The following PDE5A variants were observed in gnomAD, a reference collection of about 807,000 sequenced individuals.
The protein encoded by PDE5A is phosphodiesterase 5A, also known as cGMP-specific 3',5'-cyclic phosphodiesterase.
A neutral mutation model predicts 110.2 loss-of-function variants in PDE5A; 67 were observed. The ratio of observed to expected loss-of-function variants is 0.61; its 90% CI spans 0.50 to 0.75. The LOEUF is 0.75. PDE5A is among the 30% of genes least tolerant of loss of function. The pLI is 0.00. For synonymous variants in PDE5A, 328 were observed against 351.2 expected, an observed-to-expected ratio of 0.93 and a Z score of 0.74; for missense variants, 862 against 1,045.1, an observed-to-expected ratio of 0.82 and a Z score of 2.42.
At chr4:119,537,649 C>T (rs761911500) in intron 11 of PDE5A, among the ~76,000 whole-genome samples, 5 of 151,984 alleles carry the variant, frequency 3.3e-5, no homozygotes, top group African/African-American at 1.2e-4. Context: ...TATGATTTCA[C>T]TACCATGGGA....
intron 11 of PDE5A, among the ~76,000 whole-genome samples, chr4:119,531,312 T>G (rs1726531446): frequency 1.3e-5 from 2 of 152,196 alleles, no homozygotes; most frequent in Admixed American, 1.3e-4. Flanking sequence ...GGAGTCTCAC[T>G]CTGTCATCCA....
At chr4:119,550,313 C>T (rs1727296829) in intron 9 of PDE5A, 1 of 152,160 alleles carries the variant, frequency 6.6e-6, no homozygotes. Context: ...TAGGGTGATA[C>T]AAAATGTATG....
intron 11 of PDE5A, among the ~76,000 whole-genome samples, chr4:119,530,513 G>A (rs7688802): frequency 0.26 from 39,928 of 151,940 alleles, 5,380 homozygotes; most frequent in East Asian, 0.38. Flanking sequence ...ATAATGACAT[G>A]TATCTTAGAC....
chr4:119,569,664 G>A (rs950717597), intron 3 of PDE5A: 1 of 152,526 alleles, frequency 6.6e-6, no homozygotes, highest in Admixed American at 6.5e-5. Flanking sequence ...TACGTACAGA[G>A]CACTCACATT....
chr4:119,546,492 T>C (rs1175423815), intron 9 of PDE5A, among the ~76,000 whole-genome samples: 1 of 152,120 alleles, frequency 6.6e-6, no homozygotes, highest in Non-Finnish European at 1.5e-5. Flanking sequence ...CTATACCATA[T>C]TTTTAATTAT....
At chr4:119,506,056 G>A (rs1725543035) in intron 16 of PDE5A, 124 bp from the exon 17 acceptor site, 2 of 473,146 alleles carry the variant, frequency 4.2e-6, no homozygotes, top group Admixed American at 8.8e-5. Flanking sequence ...TCCCATCTTA[G>A]AGCCCACTAT....
intron 5 of PDE5A, among the ~76,000 whole-genome samples, chr4:119,564,472 G>A (rs1463738319): frequency 6.6e-6 from 1 of 152,102 alleles, no homozygotes; most frequent in Non-Finnish European, 1.5e-5. Flanking sequence ...ATGAAGAAAA[G>A]TTCTATGATG....
At chr4:119,526,466 A>G (rs999145262) in intron 11 of PDE5A, among the ~76,000 whole-genome samples, 7 of 152,166 alleles carry the variant, frequency 4.6e-5, no homozygotes, top group Non-Finnish European at 8.8e-5. Context: ...ATGGGAATTT[A>G]AAGGAACCTC....
intron 10 of PDE5A, 66 bp from the exon 11 acceptor site, chr4:119,539,085 A>G: frequency 8.4e-7 from 1 of 1,197,104 alleles, no homozygotes; most frequent in African/African-American, 1.5e-5. Flanking sequence ...CTAGAACTTC[A>G]AGCTTGGAAT....
At chr4:119,594,219 A>C (rs58354482) in intron 3 of PDE5A, among the ~76,000 whole-genome samples, 2,577 of 152,210 alleles carry the variant, frequency 0.017, 70 homozygotes, top group African/African-American at 0.058. Context: ...CTTTCTGTAG[A>C]AAGGGCCATC....
chr4:119,603,425 T>C (rs1729414505), intron 2 of PDE5A, among the ~76,000 whole-genome samples: 1 of 151,944 alleles, frequency 6.6e-6, no homozygotes, highest in Non-Finnish European at 1.5e-5. Flanking sequence ...GTGTGGCACA[T>C]TGAAGGTAGT....
chr4:119,592,150 C>CAAAAAA (rs70944895), intron 3 of PDE5A, among the ~76,000 whole-genome samples: 1 of 15,752 alleles, frequency 6.3e-5, no homozygotes, highest in Non-Finnish European at 1.1e-4. Context: ...GACTCTGTCT[C>CAAAAAA]AAAAAAAAAA....
At chr4:119,501,001 T>C (rs1333682984) in intron 20 of PDE5A, 169 bp downstream of exon 20, 1 of 581,020 alleles carries the variant, frequency 1.7e-6, no homozygotes, top group African/African-American at 1.9e-5. Context: ...TTAGTATGTG[T>C]TCCTTGTTCA....
intron 13 of PDE5A, among the ~76,000 whole-genome samples, chr4:119,520,530 C>G (rs542723332): frequency 7.6e-4 from 116 of 152,164 alleles, no homozygotes; most frequent in South Asian, 1.7e-3. Context: ...CCTAACTTAT[C>G]AATGAAGCAA....
At position 119,496,731 on chromosome 4, in the gene PDE5A, T is replaced by G. The variant is rs889878613; in HGVS notation, c.*1870A>C. ...ATGCATGCATAAGTATACACCTGTA[T>G]GTATATATAACTATTATTTTAGTGA... On this transcript the variant is annotated 3_prime_UTR_variant, in exon 21 of 21. Transcript: ENST00000354960. The G allele has an allele frequency of 6.6e-6, 1 of 152,602 alleles. No individual in the cohort carries two copies. Among genetic ancestry groups the G allele is most frequent in the African/African-American group, 2.4e-5 (1 of 41,466 alleles). 9.5% of individuals were successfully genotyped at this position (152,602 alleles called of 1,614,324 possible).
intron 11 of PDE5A, among the ~76,000 whole-genome samples, chr4:119,534,242 C>G (rs1726647147): frequency 6.6e-6 from 1 of 152,142 alleles, no homozygotes; most frequent in Non-Finnish European, 1.5e-5. Flanking sequence ...TTCCCAACCA[C>G]TGAGTTGTGG....
intron 12 of PDE5A, among the ~76,000 whole-genome samples, chr4:119,523,034 A>G (rs1726185801): frequency 6.6e-6 from 1 of 152,096 alleles, no homozygotes; most frequent in Non-Finnish European, 1.5e-5. Flanking sequence ...TTGCATATAT[A>G]AAGGAAATAA....
chr4:119,628,789 C>G lies in PDE5A; in HGVS notation c.-118G>C, dbSNP rs1186386052. 3 of 1,460,286 alleles carry G rather than the reference C, an allele frequency of 2.1e-6. No individual in the cohort carries two copies. Among genetic ancestry groups the G allele is most frequent in the East Asian group, 4.9e-5 (2 of 40,580 alleles). The allele number at this position is 1,460,286 out of a possible 1,614,324, so 90.5% of individuals were successfully genotyped here. On this transcript the variant is annotated 5_prime_UTR_variant, in exon 1 of 21. Coordinates refer to ENST00000354960, the MANE Select transcript of PDE5A (RefSeq NM_001083.4). ...CCCTCCCCCTTCGTCCTGCTCCAGT[C>G]GGGCCGGCTTTCGACAAAGCGGCCG...
intron 3 of PDE5A, among the ~76,000 whole-genome samples, chr4:119,590,857 G>C (rs1202607284): frequency 6.6e-6 from 1 of 152,112 alleles, no homozygotes; most frequent in East Asian, 1.9e-4. Context: ...TCCAGAGTTG[G>C]TACCAATGTC....
Sources: allele counts gnomAD v4.1 joint callset (sites outside exome capture counted in the v4.1 genomes callset), GRCh38; gene constraint gnomAD v4.1.1; transcripts MANE v1.5; gene names NCBI Gene and HGNC (gene_info 2026-07-23, HGNC 2026-07-21).